Variants in ECHDC1 observed in about 807,000 individuals in gnomAD.
ECHDC1 encodes ethylmalonyl-CoA decarboxylase 1, also known as ethylmalonyl-CoA decarboxylase.
A neutral mutation model predicts 29.7 loss-of-function variants in ECHDC1; 29 were observed. The ratio of observed to expected loss-of-function variants is 0.98; its 90% CI spans 0.73 to 1.33. ECHDC1 has a LOEUF of 1.33. Ranked by LOEUF, ECHDC1 falls within the 40% of genes most tolerant of loss-of-function variation. The pLI, the probability that ECHDC1 is intolerant of heterozygous loss-of-function variation, is 0.00. For missense variants in ECHDC1, 328 were observed against 350.0 expected (o/e 0.94, Z 0.50); for synonymous variants, 126 against 123.1 (o/e 1.02, Z -0.15).
At position 127,322,734 on chromosome 6, in the gene ECHDC1, AC is replaced by A. The variant is rs377207060; in HGVS notation, c.363+4267del. 4.2e-4 allele frequency among the ~76,000 whole-genome samples: 64 copies of A among 152,170 alleles called. No individual in the cohort carries two copies. The South Asian group carries it at 0.012, about 29-fold the overall frequency. ...AATATATAGAAAAAGAATCGTGGTC[AC>A]ATGATCTAAAGAGACAGAAACAACC... On this transcript the variant is annotated intron_variant, in intron 3 of 5. Coordinates refer to ENST00000454859, the MANE Select transcript of ECHDC1 (RefSeq NM_001002030.2).
intron 5 of ECHDC1, among the ~76,000 whole-genome samples, chr6:127,312,614 A>C (rs1201439017): frequency 6.6e-6 from 1 of 152,204 alleles, no homozygotes; most frequent in African/African-American, 2.4e-5. Context: ...ACATATGCCC[A>C]CACAAATACT....
chr6:127,329,324 C>A (rs181909195), intron 2 of ECHDC1, among the ~76,000 whole-genome samples: 219 of 152,082 alleles, frequency 1.4e-3, no homozygotes, highest in African/African-American at 5.1e-3. Context: ...CACCAAATAC[C>A]ATTACCCAAA....
chr6:127,334,358 C>T (rs1267339955), intron 1 of ECHDC1, among the ~76,000 whole-genome samples: 5 of 152,076 alleles, frequency 3.3e-5, no homozygotes, highest in African/African-American at 4.8e-5. Flanking sequence ...TTTGGAGGTC[C>T]GTATGCAATG....
chr6:127,334,172 C>T (rs887140616), intron 1 of ECHDC1, among the ~76,000 whole-genome samples: 1 of 152,108 alleles, frequency 6.6e-6, no homozygotes, highest in Non-Finnish European at 1.5e-5. Flanking sequence ...AATGCAATCC[C>T]TTACCCCTCA....
At position 127,291,009 on chromosome 6, in the gene ECHDC1, G is replaced by C. The variant is rs78023389; in HGVS notation, c.498-732C>G. ...GCAATGCAAAAATCTGGGAAAAGAT[G>C]TTCCAGGAAGAAGGAATTGCAAGTG... On this transcript the variant is annotated intron_variant, in intron 5 of 5. Coordinates refer to ENST00000454859, the MANE Select transcript of ECHDC1 (RefSeq NM_001002030.2). Among the ~76,000 whole-genome samples, 1,372 of 152,232 alleles carry C rather than the reference G, an allele frequency of 9.0e-3. 13 individuals are homozygous for C. Among genetic ancestry groups the C allele is most frequent in the Middle Eastern group, 0.054 (16 of 294 alleles).
intron 3 of ECHDC1, among the ~76,000 whole-genome samples, chr6:127,316,713 A>G (rs937098436): frequency 6.6e-6 from 1 of 152,000 alleles, no homozygotes; most frequent in African/African-American, 2.4e-5. Flanking sequence ...TCAGCTTTGC[A>G]TGAGGTATTA....
At chr6:127,338,610 G>C (rs1784642514) in intron 1 of ECHDC1, among the ~76,000 whole-genome samples, 1 of 152,060 alleles carries the variant, frequency 6.6e-6, no homozygotes, top group African/African-American at 2.4e-5. Flanking sequence ...CTGCTAGGGA[G>C]TAAAGTAAAT....
chr6:127,336,702 A>G (rs2114704701), intron 1 of ECHDC1, among the ~76,000 whole-genome samples: 1 of 152,344 alleles, frequency 6.6e-6, no homozygotes, highest in Admixed American at 6.5e-5. Context: ...TGAAGGAGAA[A>G]TAAAGTGATA....
At chr6:127,311,570 A>G (rs574445679) in intron 5 of ECHDC1, among the ~76,000 whole-genome samples, 1 of 143,720 alleles carries the variant, frequency 7.0e-6, no homozygotes, top group East Asian at 2.2e-4. Context: ...AGCTACTAGG[A>G]GGCTGAGGCA....
In ECHDC1 at chr6:127,324,525, C is replaced by T. The variant is rs376294098; in HGVS notation, c.363+2477G>A. On this transcript the variant is annotated intron_variant, in intron 3 of 5. Coordinates refer to ENST00000454859, the MANE Select transcript of ECHDC1 (RefSeq NM_001002030.2). ...CGACTAACCCAGGAATGTGCTATAT[C>T]AATGTACTTGAAAAACAGAAACACC... 2.0e-5 allele frequency among the ~76,000 whole-genome samples: 3 copies of T among 152,152 alleles called. No individual in the cohort carries two copies. In the East Asian group the frequency reaches 5.8e-4, roughly 29 times the overall value.
intron 5 of ECHDC1, among the ~76,000 whole-genome samples, chr6:127,309,478 AAAACACACACACACAC>A (rs1562314482): frequency 1.3e-4 from 14 of 109,120 alleles, no homozygotes; most frequent in East Asian, 6.9e-4. Flanking sequence ...AACAAACAAC[AAAACACACACACACAC>A]ACACACACAC....
chr6:127,341,212 G>C (rs1018668953), intron 1 of ECHDC1, among the ~76,000 whole-genome samples: 2 of 151,944 alleles, frequency 1.3e-5, no homozygotes, highest in Non-Finnish European at 2.9e-5. Flanking sequence ...GTCTGTGCCA[G>C]AAAAACCTGA....
intron 5 of ECHDC1, among the ~76,000 whole-genome samples, chr6:127,305,514 G>A (rs1325438972): frequency 6.6e-6 from 1 of 152,070 alleles, no homozygotes; most frequent in East Asian, 1.9e-4. Context: ...TAAGCATACA[G>A]AAAAACACAG....
At chr6:127,316,541 C>A (rs781608296) in intron 3 of ECHDC1, 39 bp from the exon 4 acceptor site, 2 of 1,504,072 alleles carry the variant, frequency 1.3e-6, no homozygotes, top group Non-Finnish European at 1.8e-6. Context: ...AGGTATAATG[C>A]AAATATATTA....
At chr6:127,331,058 G>A (rs1783889663) in intron 1 of ECHDC1, 28 bp from the exon 2 acceptor site, 13 of 1,567,640 alleles carry the variant, frequency 8.3e-6, no homozygotes, top group African/African-American at 1.3e-5. Context: ...GTATGCGGTA[G>A]TATAGATGAA....
chr6:127,316,577 T>C, intron 3 of ECHDC1, 75 bp from the exon 4 acceptor site: 1 of 1,317,216 alleles, frequency 7.6e-7, no homozygotes, highest in African/African-American at 1.5e-5. Flanking sequence ...ATTAAGGTTT[T>C]AGAAAGTAAT....
intron 3 of ECHDC1, among the ~76,000 whole-genome samples, chr6:127,325,418 CTTTT>C (rs1165854010): frequency 2.6e-5 from 4 of 151,986 alleles, no homozygotes; most frequent in Non-Finnish European, 4.4e-5. Context: ...TGTGGAGTTT[CTTTT>C]TTCTTTTTAA....
chr6:127,326,362 T>C (rs761601698), intron 3 of ECHDC1: 1 of 222,454 alleles, frequency 4.5e-6, no homozygotes, highest in Admixed American at 5.1e-5. Flanking sequence ...CAGCCATGCT[T>C]CCTGTATAGC....
intron 5 of ECHDC1, among the ~76,000 whole-genome samples, chr6:127,309,518 CACACACACACACACACACAG>C (rs1422255175): frequency 3.4e-5 from 2 of 59,118 alleles, no homozygotes; most frequent in African/African-American, 8.8e-5. Flanking sequence ...CACACACACA[CACACACACACACACACACAG>C]GAAAAAATAG....
Sources: gnomAD v4.1 joint callset for allele counts (sites outside exome capture counted in the v4.1 genomes callset) on GRCh38, gnomAD v4.1.1 for gene constraint, MANE v1.5 for transcripts, NCBI Gene and HGNC (gene_info 2026-07-23, HGNC 2026-07-21) for gene names.